The following RGS6 variants were observed in gnomAD, a reference collection of about 807,000 sequenced individuals.
The protein encoded by RGS6 is regulator of G-protein signaling 6.
RGS6 carries 30 observed loss-of-function variants against 78.5 expected under a neutral mutation model. The ratio of observed to expected loss-of-function variants is 0.38; its 90% CI spans 0.29 to 0.52. RGS6 has a LOEUF of 0.52. RGS6 is among the 20% of genes least tolerant of loss of function. The pLI is 0.85. For missense variants in RGS6, 495 were observed against 609.7 expected (o/e 0.81, Z 1.98); for synonymous variants, 206 against 206.0 (o/e 1.00, Z 0.00).
chr14:72,025,005 G>A (rs2089541554), intron 2 of RGS6, among the ~76,000 whole-genome samples: 1 of 152,168 alleles, frequency 6.6e-6, no homozygotes, highest in South Asian at 2.1e-4. Flanking sequence ...ACCTAATTAA[G>A]GGTACTAGAG....
chr14:72,510,132 A>G (rs1164577492), intron 13 of RGS6, 22 bp from the exon 14 acceptor site: 2 of 1,574,924 alleles, frequency 1.3e-6, no homozygotes, highest in Non-Finnish European at 1.7e-6. Flanking sequence ...TCTTCTTTAA[A>G]CCTTCTTCCT....
intron 2 of RGS6, among the ~76,000 whole-genome samples, chr14:71,969,956 A>G (rs1566930634): frequency 6.6e-6 from 1 of 152,174 alleles, no homozygotes; most frequent in African/African-American, 2.4e-5. Context: ...AATATTTTAG[A>G]TAGTTGTAGG....
At chr14:71,909,481 C>CAGAGAG in the RGS6 span, among the ~76,000 whole-genome samples, 10 of 147,192 alleles carry the variant, frequency 6.8e-5, no homozygotes, top group African/African-American at 2.2e-4. Context: ...TACACCTGCA[C>CAGAGAG]AGAGAGAGAG....
intron 1 of RGS6, among the ~76,000 whole-genome samples, chr14:71,949,453 TTTTA>T (rs1435501677): frequency 1.3e-5 from 2 of 152,192 alleles, no homozygotes; most frequent in Admixed American, 1.3e-4. Flanking sequence ...TTTTTGCCAC[TTTTA>T]TTTGTCTTTT....
rs144463754 is a variant in RGS6, at chr14:72,208,365, G to A, written c.85-143730G>A. On this transcript the variant is annotated intron_variant, in intron 2 of 17. Transcript: ENST00000553525. The stretch of plus-strand genomic sequence containing the variant: ...TACTGGGATGAGCCTTTCATGAAGC[G>A]ATGCCTGACCAGCTCTTCCTCCAAT... Among the ~76,000 whole-genome samples the A allele has an allele frequency of 1.7e-3, 259 of 152,320 alleles. 2 individuals carry two copies. Among genetic ancestry groups the A allele is most frequent in the African/African-American group, 6.0e-3 (250 of 41,580 alleles).
chr14:71,997,368 G>T (rs1309876458), intron 2 of RGS6, among the ~76,000 whole-genome samples: 2 of 152,206 alleles, frequency 1.3e-5, no homozygotes, highest in Admixed American at 1.3e-4. Flanking sequence ...TTCACCTCCA[G>T]AGAGTGATCA....
chr14:72,310,001 T>C (rs1466734680), intron 2 of RGS6, among the ~76,000 whole-genome samples: 3 of 152,262 alleles, frequency 2.0e-5, no homozygotes, highest in Non-Finnish European at 4.4e-5. Flanking sequence ...GGGTGCCAGC[T>C]GCCCATGTCA....
At chr14:71,877,652 T>G in the RGS6 span, among the ~76,000 whole-genome samples, 1 of 152,282 alleles carries the variant, frequency 6.6e-6, no homozygotes, top group East Asian at 1.9e-4. Flanking sequence ...AAGTTTGTTA[T>G]TACCGATTGT....
chr14:72,321,448 C>A (rs1340971453), intron 2 of RGS6, among the ~76,000 whole-genome samples: 1 of 151,866 alleles, frequency 6.6e-6, no homozygotes, highest in Non-Finnish European at 1.5e-5. Context: ...TAACCATATG[C>A]TATACCCCAT....
intron 1 of RGS6, among the ~76,000 whole-genome samples, chr14:71,959,651 G>A (rs2093047651): frequency 1.3e-5 from 2 of 152,106 alleles, no homozygotes; most frequent in Middle Eastern, 3.4e-3. Flanking sequence ...TTGTTGGACC[G>A]CTGAAGGCTT....
At chr14:71,985,182 G>GA (rs1292772315) in intron 2 of RGS6, among the ~76,000 whole-genome samples, 2 of 152,154 alleles carry the variant, frequency 1.3e-5, no homozygotes, top group Non-Finnish European at 2.9e-5. Flanking sequence ...GGAGTGCAGT[G>GA]GTGTGATCTC....
intron 2 of RGS6, among the ~76,000 whole-genome samples, chr14:72,053,066 T>TC (rs2093407426): frequency 1.1e-4 from 2 of 18,528 alleles, no homozygotes; most frequent in African/African-American, 4.7e-4. Context: ...CCTCCCTCCC[T>TC]CCCTCCCTCC....
At chr14:72,568,033 C>T (rs570498541), downstream of RGS6, among the ~76,000 whole-genome samples, 4 of 152,190 alleles carry the variant, frequency 2.6e-5, no homozygotes, top group Non-Finnish European at 4.4e-5. Context: ...CCTGGGGTGT[C>T]GGGTGTAGCC....
chr14:72,512,873 T>C (rs1459983802), intron 14 of RGS6, among the ~76,000 whole-genome samples: 1 of 152,194 alleles, frequency 6.6e-6, no homozygotes, highest in Non-Finnish European at 1.5e-5. Flanking sequence ...GGCTGGCGGA[T>C]TTAGAGCTGA....
At chr14:72,235,963 T>A (rs971812002) in intron 2 of RGS6, among the ~76,000 whole-genome samples, 1 of 152,390 alleles carries the variant, frequency 6.6e-6, no homozygotes, top group Admixed American at 6.5e-5. Flanking sequence ...AGCTACTTAC[T>A]ACTAAAGACT....
intron 2 of RGS6, among the ~76,000 whole-genome samples, chr14:72,009,628 G>A (rs926758702): frequency 6.6e-6 from 1 of 152,196 alleles, no homozygotes; most frequent in African/African-American, 2.4e-5. Flanking sequence ...CACTGAATCT[G>A]GGGGTGGTCT....
At chr14:72,051,519 T>A (rs1326635040) in intron 2 of RGS6, among the ~76,000 whole-genome samples, 1 of 152,076 alleles carries the variant, frequency 6.6e-6, no homozygotes, top group Non-Finnish European at 1.5e-5. Context: ...ATGGTATAAT[T>A]TAAGGTATGA....
intron 3 of RGS6, among the ~76,000 whole-genome samples, chr14:72,403,075 G>C (rs1033914840): frequency 6.6e-6 from 1 of 152,052 alleles, no homozygotes; most frequent in African/African-American, 2.4e-5. Flanking sequence ...ACAGATAAGA[G>C]CTACCATGCC....
At chr14:72,084,288 T>A (rs537512275) in intron 2 of RGS6, among the ~76,000 whole-genome samples, 12 of 152,262 alleles carry the variant, frequency 7.9e-5, no homozygotes, top group African/African-American at 2.9e-4. Context: ...CCCACTGATC[T>A]GACAGGAGGT....
Sources: gnomAD v4.1 joint callset for allele counts (sites outside exome capture counted in the v4.1 genomes callset) on GRCh38, gnomAD v4.1.1 for gene constraint, MANE v1.5 for transcripts, NCBI Gene and HGNC (gene_info 2026-07-23, HGNC 2026-07-21) for gene names.